The following SPOCK3 variants were observed in gnomAD, a reference collection of about 807,000 sequenced individuals.
The protein encoded by SPOCK3 is SPARC (osteonectin), cwcv and kazal like domains proteoglycan 3.
In SPOCK3, 30 loss-of-function variants were observed where a neutral mutation model predicts 56.6. The ratio of observed to expected loss-of-function variants is 0.53; its 90% CI spans 0.40 to 0.72. SPOCK3 has a LOEUF of 0.72. SPOCK3 is among the 30% of genes least tolerant of loss of function. SPOCK3 has a pLI of 0.00. For synonymous variants in SPOCK3, 196 were observed against 183.3 expected (o/e 1.07, Z -0.56); for missense variants, 527 against 530.0 (o/e 0.99, Z 0.06).
intron 5 of SPOCK3, among the ~76,000 whole-genome samples, chr4:166,899,288 A>G (rs556600250): frequency 1.4e-5 from 2 of 145,090 alleles, no homozygotes; most frequent in East Asian, 4.2e-4. Flanking sequence ...CTATCTATCT[A>G]TCTATCTATC....
At chr4:166,786,821 G>A (rs1009987210) in intron 7 of SPOCK3, among the ~76,000 whole-genome samples, 2 of 152,122 alleles carry the variant, frequency 1.3e-5, no homozygotes, top group South Asian at 2.1e-4. Flanking sequence ...TTACTGGATT[G>A]TACCTATGGC....
At chr4:167,149,848 T>C (rs1458416593) in intron 2 of SPOCK3, among the ~76,000 whole-genome samples, 2 of 151,470 alleles carry the variant, frequency 1.3e-5, no homozygotes, top group Non-Finnish European at 2.9e-5. Flanking sequence ...TATGTATATA[T>C]ATATATATAC....
intron 2 of SPOCK3, among the ~76,000 whole-genome samples, chr4:167,097,001 G>C (rs1334670208): frequency 6.6e-6 from 1 of 151,668 alleles, no homozygotes; most frequent in African/African-American, 2.4e-5. Context: ...CTTTATCATT[G>C]TGTAATGCCC....
At chr4:166,737,725 C>T in intron 9 of SPOCK3, 121 bp from the exon 10 acceptor site, 1 of 1,080,538 alleles carries the variant, frequency 9.3e-7, no homozygotes, top group Non-Finnish European at 1.3e-6. Context: ...ATGGAGTGTC[C>T]ACTGTATTCC....
intron 3 of SPOCK3, among the ~76,000 whole-genome samples, chr4:167,009,010 C>A (rs890451715): frequency 6.6e-6 from 1 of 152,010 alleles, no homozygotes; most frequent in Non-Finnish European, 1.5e-5. Flanking sequence ...AAGAATAATA[C>A]ACCCCTAAAA....
At chr4:167,101,238 T>C (rs1405923722) in intron 2 of SPOCK3, among the ~76,000 whole-genome samples, 1 of 152,122 alleles carries the variant, frequency 6.6e-6, no homozygotes, top group African/African-American at 2.4e-5. Context: ...TTCTAAGCTC[T>C]TTCTCCCTCC....
intron 2 of SPOCK3, among the ~76,000 whole-genome samples, chr4:167,126,436 C>A (rs1459404866): frequency 6.6e-6 from 1 of 152,044 alleles, no homozygotes. Context: ...GAAATCCTGG[C>A]TACTTGGGAG....
intron 4 of SPOCK3, among the ~76,000 whole-genome samples, chr4:166,967,901 G>C (rs1218873163): frequency 1.3e-5 from 2 of 152,194 alleles, no homozygotes; most frequent in Non-Finnish European, 2.9e-5. Context: ...CCAAAATGCT[G>C]ATAGTGATGT....
chr4:167,146,435 T>C (rs1243464034), intron 2 of SPOCK3, among the ~76,000 whole-genome samples: 2 of 152,022 alleles, frequency 1.3e-5, no homozygotes, highest in African/African-American at 4.8e-5. Context: ...ATCCAGGAGT[T>C]GAACTCAGCT....
chr4:167,054,027 A>T (rs775980120), intron 3 of SPOCK3, among the ~76,000 whole-genome samples: 1 of 152,218 alleles, frequency 6.6e-6, no homozygotes, highest in Non-Finnish European at 1.5e-5. Context: ...GGACGCTCCA[A>T]GTTCCTTTGG....
intron 8 of SPOCK3, among the ~76,000 whole-genome samples, chr4:166,751,838 C>T (rs1030069570): frequency 1.3e-5 from 2 of 152,050 alleles, no homozygotes; most frequent in African/African-American, 4.8e-5. Flanking sequence ...GATATTCCTC[C>T]TACTCACTTT....
chr4:167,006,657 T>C (rs1169936336), intron 3 of SPOCK3, among the ~76,000 whole-genome samples: 1 of 152,200 alleles, frequency 6.6e-6, no homozygotes, highest in Non-Finnish European at 1.5e-5. Flanking sequence ...TTACATTTCA[T>C]ATGAAAGCAC....
At chr4:166,801,176 TA>T (rs928154875) in intron 6 of SPOCK3, among the ~76,000 whole-genome samples, 3 of 152,144 alleles carry the variant, frequency 2.0e-5, no homozygotes, top group Non-Finnish European at 2.9e-5. Context: ...TAACAAATGA[TA>T]AAATATATTA....
At chr4:167,121,109 A>G (rs1761831185) in intron 2 of SPOCK3, among the ~76,000 whole-genome samples, 1 of 151,654 alleles carries the variant, frequency 6.6e-6, no homozygotes, top group African/African-American at 2.4e-5. Flanking sequence ...TTTTAAATCT[A>G]TTTAAAATCA....
intron 7 of SPOCK3, among the ~76,000 whole-genome samples, chr4:166,769,806 C>T (rs1265145319): frequency 6.6e-6 from 1 of 152,172 alleles, no homozygotes; most frequent in East Asian, 1.9e-4. Flanking sequence ...CAGAGGCAGG[C>T]AGGCCTCCTT....
chr4:166,949,777 T>C (rs1742290017), intron 4 of SPOCK3, among the ~76,000 whole-genome samples: 1 of 152,078 alleles, frequency 6.6e-6, no homozygotes. Context: ...TGGGGGCCAA[T>C]ATTCAGCATT....
chr4:166,949,076 A>G (rs28872477), intron 4 of SPOCK3, among the ~76,000 whole-genome samples: 23,999 of 151,520 alleles, frequency 0.16, 2,723 homozygotes, highest in African/African-American at 0.33. Flanking sequence ...TTCCCTTCTC[A>G]CTTCATTTCA....
intron 9 of SPOCK3, 77 bp from the exon 10 acceptor site, chr4:166,737,681 C>T (rs1295324245): frequency 6.9e-7 from 1 of 1,450,636 alleles, no homozygotes; most frequent in Non-Finnish European, 9.3e-7. Context: ...TGAGAAGCAC[C>T]CATTATGCAT....
At chr4:166,934,149 CA>C in intron 4 of SPOCK3, among the ~76,000 whole-genome samples, 1 of 151,976 alleles carries the variant, frequency 6.6e-6, no homozygotes, top group African/African-American at 2.4e-5. Flanking sequence ...AAAATGAGTT[CA>C]AAATAGTAGG....
Sources: gnomAD v4.1 joint callset for allele counts (sites outside exome capture counted in the v4.1 genomes callset) on GRCh38, gnomAD v4.1.1 for gene constraint, MANE v1.5 for transcripts, NCBI Gene and HGNC (gene_info 2026-07-23, HGNC 2026-07-21) for gene names.